The following FSTL5 variants were observed in gnomAD, a reference collection of about 807,000 sequenced individuals.
FSTL5 encodes the protein follistatin-related protein 5.
In FSTL5, 62 loss-of-function variants were observed where a neutral mutation model predicts 89.1. That is an observed-to-expected ratio of 0.70 (90% CI 0.57 to 0.86). The LOEUF (loss-of-function observed/expected upper bound fraction) is 0.86, where lower values mean the gene tolerates loss of function less well. Among genes scored for constraint, FSTL5 ranks in the 40% least tolerant of loss-of-function variants. The pLI is 0.00. For missense variants in FSTL5, 1,057 were observed against 1,001.6 expected, an observed-to-expected ratio of 1.06 and a Z score of -0.75; for synonymous variants, 383 against 346.2, an observed-to-expected ratio of 1.11 and a Z score of -1.18.
intron 15 of FSTL5, 63 bp downstream of exon 15, chr4:161,454,941 C>T: frequency 4.0e-6 from 6 of 1,482,564 alleles, no homozygotes; most frequent in Middle Eastern, 1.8e-4. Context: ...TACGATTTCA[C>T]ATGGCTTTCT....
At chr4:162,010,649 T>C (rs1487166018) in intron 3 of FSTL5, among the ~76,000 whole-genome samples, 1 of 152,218 alleles carries the variant, frequency 6.6e-6, no homozygotes, top group African/African-American at 2.4e-5. Flanking sequence ...ATGTTATGTA[T>C]TTACAGACTT....
In FSTL5 at chr4:161,968,273, G is replaced by T. The variant is rs116084809; in HGVS notation, c.161-47621C>A. On this transcript the variant is annotated intron_variant, in intron 3 of 15. Coordinates refer to ENST00000306100, the MANE Select transcript of FSTL5 (RefSeq NM_020116.5). ...CAGAAGAATGTTAGAAAACAAAATT[G>T]GTTGAAAGAGAAATATGTCTTCATT... Among the ~76,000 whole-genome samples the T allele has an allele frequency of 9.9e-3, 1,511 of 151,860 alleles. 23 individuals are homozygous for T. The highest frequency in any genetic ancestry group is 0.034 in the African/African-American group (1,412 of 41,476).
chr4:161,945,830 G>A (rs1734718782), intron 3 of FSTL5, among the ~76,000 whole-genome samples: 1 of 152,016 alleles, frequency 6.6e-6, no homozygotes, highest in African/African-American at 2.4e-5. Context: ...GTACTCAGGT[G>A]ATACACACCT....
rs369755716 is a variant in FSTL5, at chr4:161,927,709, C to A, written c.161-7057G>T. Among the ~76,000 whole-genome samples the A allele has an allele frequency of 5.3e-5, 8 of 151,572 alleles. No homozygotes were observed. In the East Asian group the frequency reaches 1.4e-3, roughly 26 times the overall value. On this transcript the variant is annotated intron_variant, in intron 3 of 15. Coordinates refer to ENST00000306100, the MANE Select transcript of FSTL5 (RefSeq NM_020116.5). ...AAAAAGTAAATATTGGTCATTAAAA[C>A]TATTATTTTCATGAAGAAGAATTAG...
chr4:161,620,192 G>C (rs1289776832), intron 7 of FSTL5, among the ~76,000 whole-genome samples: 20 of 116,910 alleles, frequency 1.7e-4, no homozygotes, highest in Non-Finnish European at 3.0e-4. Flanking sequence ...ACTGTTGTGG[G>C]GTGGGGGGAG....
intron 3 of FSTL5, among the ~76,000 whole-genome samples, chr4:161,936,760 G>A (rs1254661285): frequency 6.6e-6 from 1 of 152,074 alleles, no homozygotes; most frequent in Non-Finnish European, 1.5e-5. Context: ...ATGGAATCTG[G>A]AGAGTACCGC....
intron 4 of FSTL5, among the ~76,000 whole-genome samples, chr4:161,844,789 G>A (rs116822304): frequency 0.042 from 6,339 of 152,074 alleles, 176 homozygotes; most frequent in Non-Finnish European, 0.061. Context: ...GGGGCCTGTC[G>A]GGGGCTTGGG....
intron 6 of FSTL5, among the ~76,000 whole-genome samples, chr4:161,705,319 A>G (rs1185120379): frequency 6.6e-6 from 1 of 152,116 alleles, no homozygotes; most frequent in East Asian, 1.9e-4. Context: ...AGAGAGGATG[A>G]CATATTTATT....
chr4:161,438,136 G>T (rs1049897800), intron 15 of FSTL5, among the ~76,000 whole-genome samples: 1 of 152,176 alleles, frequency 6.6e-6, no homozygotes, highest in African/African-American at 2.4e-5. Flanking sequence ...AAAGAAGAAT[G>T]AATTTCATTA....
chr4:161,527,129 T>C (rs968919154), intron 10 of FSTL5, among the ~76,000 whole-genome samples: 1 of 152,170 alleles, frequency 6.6e-6, no homozygotes, highest in Non-Finnish European at 1.5e-5. Flanking sequence ...GAGCAGTGGT[T>C]TGTAGTTCTC....
chr4:161,962,169 C>T (rs1170562938), intron 3 of FSTL5, among the ~76,000 whole-genome samples: 1 of 151,776 alleles, frequency 6.6e-6, no homozygotes, highest in Non-Finnish European at 1.5e-5. Flanking sequence ...ACTCTATTAT[C>T]ACATTTAATA....
At chr4:161,745,763 C>T (rs752826685) in intron 6 of FSTL5, among the ~76,000 whole-genome samples, 6 of 151,768 alleles carry the variant, frequency 4.0e-5, no homozygotes, top group Non-Finnish European at 8.8e-5. Context: ...ATCATAAAAA[C>T]ATGTTGAGCT....
intron 4 of FSTL5, among the ~76,000 whole-genome samples, chr4:161,777,252 T>TATAC (rs1044290297): frequency 1.4e-5 from 2 of 145,700 alleles, no homozygotes; most frequent in Non-Finnish European, 3.0e-5. Flanking sequence ...TGTATATATA[T>TATAC]ATATATATAC....
chr4:162,056,799 T>G (rs1738560640), intron 2 of FSTL5, among the ~76,000 whole-genome samples: 2 of 152,308 alleles, frequency 1.3e-5, no homozygotes, highest in South Asian at 4.1e-4. Flanking sequence ...TTCTTACTTT[T>G]CTATTGGATT....
chr4:161,736,686 T>C (rs2126767324), intron 6 of FSTL5, among the ~76,000 whole-genome samples: 1 of 152,104 alleles, frequency 6.6e-6, no homozygotes, highest in Non-Finnish European at 1.5e-5. Flanking sequence ...GAGAGCCAGG[T>C]GAGGGGGCTG....
chr4:161,979,073 C>A (rs1038133868), intron 3 of FSTL5, among the ~76,000 whole-genome samples: 1 of 152,108 alleles, frequency 6.6e-6, no homozygotes, highest in East Asian at 1.9e-4. Flanking sequence ...CAAGCTAATG[C>A]ATTAAATCAT....
At chr4:161,709,788 G>A (rs1375821972) in intron 6 of FSTL5, among the ~76,000 whole-genome samples, 3 of 151,626 alleles carry the variant, frequency 2.0e-5, no homozygotes, top group African/African-American at 7.3e-5. Flanking sequence ...GCAAGACCCT[G>A]TTTAAAAAAA....
chr4:161,561,929 T>C (rs1732615718), intron 8 of FSTL5, among the ~76,000 whole-genome samples: 2 of 152,002 alleles, frequency 1.3e-5, no homozygotes, highest in Admixed American at 6.6e-5. Flanking sequence ...GTTGTAGGTG[T>C]GGAACAACAG....
intron 10 of FSTL5, among the ~76,000 whole-genome samples, chr4:161,517,245 A>G (rs543440122): frequency 6.6e-6 from 1 of 152,274 alleles, no homozygotes. Flanking sequence ...ACTTTGGACT[A>G]AATAACTTTT....
Sources: allele counts gnomAD v4.1 joint callset (sites outside exome capture counted in the v4.1 genomes callset), GRCh38; gene constraint gnomAD v4.1.1; transcripts MANE v1.5; gene names NCBI Gene and HGNC (gene_info 2026-07-23, HGNC 2026-07-21).